FAR1: variants seen among roughly 807,000 people sequenced by gnomAD.
FAR1 encodes male sterility domain-containing protein 2.
A neutral mutation model predicts 61.1 loss-of-function variants in FAR1; 22 were observed. The observed-to-expected ratio is 0.36, with a 90% CI of 0.26 to 0.51. FAR1 has a LOEUF of 0.51. FAR1 is among the 20% of genes least tolerant of loss of function. FAR1 has a pLI of 0.95. For synonymous variants in FAR1, 206 were observed against 209.7 expected (o/e 0.98, Z 0.15); for missense variants, 359 against 626.9 (o/e 0.57, Z 4.56).
chr11:13,679,520 T>C (rs1228485701), intron 1 of FAR1, among the ~76,000 whole-genome samples: 2 of 152,198 alleles, frequency 1.3e-5, no homozygotes, highest in African/African-American at 4.8e-5. Flanking sequence ...TTCAGTGTTA[T>C]CAAGCTGTGT....
chr11:13,730,334 A>G lies in FAR1; in HGVS notation c.*1560A>G, dbSNP rs900200182. ...CTTTCATGCAGGTGTATAATCTTGA[A>G]AAGGAAAAATGCTTCCATGTTGAAG... On this transcript the variant is annotated 3_prime_UTR_variant, in exon 12 of 12. Transcript: ENST00000354817. 18 of 152,448 alleles carry G rather than the reference A, an allele frequency of 1.2e-4. No individual in the cohort carries two copies. Among genetic ancestry groups the G allele is most frequent in the African/African-American group, 4.3e-4 (18 of 41,430 alleles). The allele number at this position is 152,448 out of a possible 1,614,324, so 9.4% of individuals were successfully genotyped here. A position where few individuals can be genotyped will look rare whatever the true frequency, so the allele number is the denominator to read the frequency against.
intron 1 of FAR1, among the ~76,000 whole-genome samples, chr11:13,693,751 A>C (rs1042831849): frequency 6.6e-6 from 1 of 152,110 alleles, no homozygotes; most frequent in Non-Finnish European, 1.5e-5. Flanking sequence ...TATTCTACCA[A>C]TTCAGTCTTA....
At chr11:13,672,903 A>G (rs1051581334) in intron 1 of FAR1, among the ~76,000 whole-genome samples, 1 of 152,234 alleles carries the variant, frequency 6.6e-6, no homozygotes, top group African/African-American at 2.4e-5. Flanking sequence ...AAAAAACCCA[A>G]CAAACCACTG....
chr11:13,703,136 G>A (rs1294426848), intron 3 of FAR1, among the ~76,000 whole-genome samples: 1 of 152,126 alleles, frequency 6.6e-6, no homozygotes, highest in Non-Finnish European at 1.5e-5. Context: ...ACTCCAGGCA[G>A]GCATATAACA....
intron 1 of FAR1, among the ~76,000 whole-genome samples, chr11:13,678,078 G>A (rs146506268): frequency 2.1e-4 from 32 of 152,256 alleles, no homozygotes; most frequent in African/African-American, 7.5e-4. Context: ...TGAAAGTTAC[G>A]GACTTCTACG....
chr11:13,717,148 C>T (rs1848565579), intron 9 of FAR1, among the ~76,000 whole-genome samples: 1 of 151,970 alleles, frequency 6.6e-6, no homozygotes, highest in Admixed American at 6.6e-5. Flanking sequence ...ATCCTGCCTT[C>T]CCCCTCGCGC....
chr11:13,693,070 A>T (rs1591260585), intron 1 of FAR1, among the ~76,000 whole-genome samples: 1 of 151,860 alleles, frequency 6.6e-6, no homozygotes, highest in African/African-American at 2.4e-5. Flanking sequence ...ATGATTGAGA[A>T]CTCTGCGTGA....
At chr11:13,722,277 C>A (rs780956454) in intron 10 of FAR1, among the ~76,000 whole-genome samples, 4 of 151,854 alleles carry the variant, frequency 2.6e-5, no homozygotes, top group Non-Finnish European at 5.9e-5. Context: ...AACTTAAATT[C>A]TTTGTGTATG....
chr11:13,727,782 A>G, intron 11 of FAR1, 99 bp downstream of exon 11: 1 of 1,108,186 alleles, frequency 9.0e-7, no homozygotes, highest in Non-Finnish European at 1.3e-6. Flanking sequence ...CTGTCATTCA[A>G]AGATGCAGAT....
chr11:13,721,534 C>A lies in FAR1; in HGVS notation c.1128-196C>A. The A allele has an allele frequency of 2.1e-6, 1 of 472,088 alleles. No homozygotes were observed. Among genetic ancestry groups the A allele is most frequent in the Non-Finnish European group, 3.6e-6 (1 of 275,048 alleles). 29.2% of individuals were successfully genotyped at this position (472,088 alleles called of 1,614,324 possible). ...CTGCTTTCAAAAAAAATTTGTTTTC[C>A]TTTTGGATTTATAAATTGTTCATCC... is the stretch of plus-strand genomic sequence containing the variant. On this transcript the variant is annotated intron_variant, in intron 9 of 11. Coordinates refer to ENST00000354817, the MANE Select transcript of FAR1 (RefSeq NM_032228.6). This position sits in a 1 kb window ranked among gnomAD's most constrained non-coding sequence, Gnocchi z 4.2.
At chr11:13,690,050 A>G (rs565528913) in intron 1 of FAR1, among the ~76,000 whole-genome samples, 3 of 151,610 alleles carry the variant, frequency 2.0e-5, no homozygotes, top group Admixed American at 1.3e-4. Flanking sequence ...TAATTTTTGT[A>G]TTTTTAGTAG....
intron 1 of FAR1, among the ~76,000 whole-genome samples, chr11:13,676,194 C>G (rs1355698013): frequency 6.6e-6 from 1 of 151,920 alleles, no homozygotes; most frequent in Non-Finnish European, 1.5e-5. Context: ...ATTGCAAATG[C>G]CTAATTAAAA....
Position 13,711,709 on chromosome 11 carries a change from C to T in FAR1, c.724-55C>T, listed in dbSNP as rs1028389536. The T allele has an allele frequency of 9.2e-6, 12 of 1,304,286 alleles. No individual in the cohort carries two copies. In the East Asian group the frequency reaches 2.8e-4, roughly 30 times the overall value. The allele number at this position is 1,304,286 out of a possible 1,614,324, so 80.8% of individuals were successfully genotyped here. ...GGGTTGTAGAGTTCAAATAATAAAT[C>T]TCTAGCTTCATAATGTTTCTAAGCT... On this transcript the variant is annotated intron_variant, in intron 5 of 11. Coordinates refer to ENST00000354817, the MANE Select transcript of FAR1 (RefSeq NM_032228.6).
At chr11:13,683,484 T>C (rs565295028) in intron 1 of FAR1, among the ~76,000 whole-genome samples, 1 of 152,224 alleles carries the variant, frequency 6.6e-6, no homozygotes, top group South Asian at 2.1e-4. Context: ...GATGAAATAC[T>C]AATATTTTGT....
chr11:13,708,119 C>A, intron 4 of FAR1, 40 bp downstream of exon 4: 1 of 1,416,438 alleles, frequency 7.1e-7, no homozygotes, highest in Non-Finnish European at 9.5e-7. Context: ...ACTTTGATCC[C>A]AAAAGAGGCC....
At chr11:13,714,324 C>T (rs565390045) in intron 8 of FAR1, among the ~76,000 whole-genome samples, 185 bp from the exon 9 acceptor site, 8 of 152,112 alleles carry the variant, frequency 5.3e-5, no homozygotes, top group Non-Finnish European at 1.2e-4. Flanking sequence ...TACAAAACCA[C>T]TTGAGTTTAG....
chr11:13,675,287 A>G (rs1330279194), intron 1 of FAR1, among the ~76,000 whole-genome samples: 2 of 152,156 alleles, frequency 1.3e-5, no homozygotes, highest in Non-Finnish European at 2.9e-5. Context: ...TCATGTGCCA[A>G]AATTGGTGGT....
chr11:13,718,851 G>A (rs1300939990), intron 9 of FAR1, among the ~76,000 whole-genome samples: 1 of 152,018 alleles, frequency 6.6e-6, no homozygotes, highest in Non-Finnish European at 1.5e-5. Context: ...GAGTAGCTGG[G>A]GTGGCTGGGC....
At chr11:13,693,277 A>G (rs1160774047) in intron 1 of FAR1, among the ~76,000 whole-genome samples, 3 of 152,238 alleles carry the variant, frequency 2.0e-5, no homozygotes, top group Non-Finnish European at 4.4e-5. Flanking sequence ...ATCCTGGGCC[A>G]TGGGTTGGAC....
Sources: gnomAD v4.1 joint callset for allele counts (sites outside exome capture counted in the v4.1 genomes callset) on GRCh38, gnomAD v4.1.1 for gene constraint, Gnocchi (gnomAD v3.1) non-coding constraint, MANE v1.5 for transcripts, NCBI Gene and HGNC (gene_info 2026-07-23, HGNC 2026-07-21) for gene names.